The following PLA2R1 variants were observed in gnomAD, a reference collection of about 807,000 sequenced individuals.
PLA2R1 encodes phospholipase A2 receptor 1, also known as secretory phospholipase A2 receptor.
In PLA2R1, 158 loss-of-function variants were observed where a neutral mutation model predicts 195.9. That is an observed-to-expected ratio of 0.81 (90% CI 0.71 to 0.92). PLA2R1 has a LOEUF of 0.92. Ranked by LOEUF, PLA2R1 falls within the 40% of genes least tolerant of loss-of-function variation. The pLI, the probability that PLA2R1 is intolerant of heterozygous loss-of-function variation, is 0.00. For missense variants in PLA2R1, 1,626 were observed against 1,764.6 expected (o/e 0.92, Z 1.41); for synonymous variants, 586 against 598.2 (o/e 0.98, Z 0.30).
rs1696038923 is a variant in PLA2R1 at position 160,062,501 on chromosome 2, A to C, written c.-98T>G. 1 of 1,421,050 alleles carries C rather than the reference A, an allele frequency of 7.0e-7. No individual in the cohort carries two copies. The highest frequency in any genetic ancestry group is 3.0e-5 in the East Asian group (1 of 33,778). 88.0% of individuals were successfully genotyped at this position (1,421,050 alleles called of 1,614,324 possible). A position where few individuals can be genotyped will look rare whatever the true frequency, so the allele number is the denominator to read the frequency against. The stretch of plus-strand genomic sequence containing the variant: ...CAAGCACCCGGCCCCGCCGCGCGGA[A>C]GCGGATCCGTAGCCTCCTCCGCGCC... On this transcript the variant is annotated 5_prime_UTR_variant, in exon 1 of 30. Transcript: ENST00000283243.
intron 1 of PLA2R1, 33 bp from the exon 2 acceptor site, chr2:160,045,190 T>G (rs1559003569): frequency 1.3e-6 from 2 of 1,528,996 alleles, no homozygotes; most frequent in African/African-American, 2.7e-5. Flanking sequence ...GGCATGAAAT[T>G]TTCATATATA....
Position 159,977,397 on chromosome 2 carries a change from T to C in PLA2R1, c.2288A>G (p.Asp763Gly), listed in dbSNP as rs750401152. The C allele has an allele frequency of 3.1e-6, 5 of 1,613,116 alleles. No homozygotes were observed. Among genetic ancestry groups the C allele is most frequent in the East Asian group, 2.2e-5 (1 of 44,824 alleles). Residue 763 changes from aspartate to glycine, a missense_variant, in exon 15 of 30, where the codon GAC (aspartate) becomes GGC (glycine). Transcript: ENST00000283243. ...TGCATCTTCTCCAAAATAAGTGTTG[T>C]CTAAAAACGAAGAGACAACCTGCAG... ...DRTPVVSSFLDNTYFGEDARN... is the reference protein window; with the variant it reads ...DRTPVVSSFLGNTYFGEDARN...
In PLA2R1 at chr2:160,062,611, G is replaced by A. The variant is rs376866978; in HGVS notation, c.-208C>T. 80 of 898,896 alleles carry A rather than the reference G, an allele frequency of 8.9e-5. No homozygotes were observed. In the East Asian group the frequency reaches 2.1e-3, roughly 24 times the overall value. The allele number at this position is 898,896 out of a possible 1,614,324, so 55.7% of individuals were successfully genotyped here. On this transcript the variant is annotated 5_prime_UTR_variant, in exon 1 of 30. Coordinates refer to ENST00000283243, the MANE Select transcript of PLA2R1 (RefSeq NM_007366.5). The stretch of plus-strand genomic sequence containing the variant: ...TCTCCACAGTGAACCGACACTCGGG[G>A]CTCTGGGCTGGGATGCGGGAAAGTC...
At chr2:160,006,253 G>C (rs979625312) in intron 10 of PLA2R1, among the ~76,000 whole-genome samples, 1 of 152,302 alleles carries the variant, frequency 6.6e-6, no homozygotes, top group South Asian at 2.1e-4. Context: ...TTTTCTGAAT[G>C]AGCATTTACT....
At chr2:159,927,467 C>T (rs1042637219), downstream of PLA2R1, among the ~76,000 whole-genome samples, 2 of 152,116 alleles carry the variant, frequency 1.3e-5, no homozygotes, top group African/African-American at 4.8e-5. Context: ...TTTGCCATTC[C>T]TAAGATCCAT....
In PLA2R1 at chr2:159,937,729, A is replaced by G. The variant is rs540743587; in HGVS notation, c.*4049T>C. ...ATGAAAGTAGCACTCCAGCTGTTCC[A>G]CTGTATAATACATATTAATTCAGAA... On this transcript the variant is annotated 3_prime_UTR_variant, in exon 30 of 30. Coordinates refer to ENST00000283243, the MANE Select transcript of PLA2R1 (RefSeq NM_007366.5). The G allele has an allele frequency of 4.6e-5, 7 of 152,232 alleles. No homozygotes were observed. The highest frequency in any genetic ancestry group is 8.8e-5 in the Non-Finnish European group (6 of 68,040). The allele number at this position is 152,232 out of a possible 1,614,324, so 9.4% of individuals were successfully genotyped here. A position where few individuals can be genotyped will look rare whatever the true frequency, so the allele number is the denominator to read the frequency against.
chr2:160,009,510 A>T (rs1256927211), intron 10 of PLA2R1, among the ~76,000 whole-genome samples: 3 of 152,196 alleles, frequency 2.0e-5, no homozygotes, highest in Non-Finnish European at 1.5e-5. Context: ...ATAGAATAGT[A>T]GTTGCCAGGG....
chr2:160,001,630 C>T (rs1468118110), intron 11 of PLA2R1, among the ~76,000 whole-genome samples: 1 of 151,694 alleles, frequency 6.6e-6, no homozygotes, highest in Non-Finnish European at 1.5e-5. Flanking sequence ...TGTACTAGGC[C>T]AATACTAATT....
intron 2 of PLA2R1, among the ~76,000 whole-genome samples, chr2:160,043,125 A>T (rs1694650881): frequency 6.6e-6 from 1 of 152,144 alleles, no homozygotes; most frequent in South Asian, 2.1e-4. Flanking sequence ...GTGTCAGTGC[A>T]CATAGAGCTG....
rs1367816577 is a variant in PLA2R1 at position 159,944,960 on chromosome 2, A to G, written c.4090T>C (p.Trp1364Arg). 3.1e-6 allele frequency: 5 copies of G among 1,613,618 alleles called. No individual in the cohort carries two copies. The highest frequency in any genetic ancestry group is 4.5e-5 in the East Asian group (2 of 44,860). Residue 1364 changes from tryptophan (W) to arginine (R), a missense_variant, in exon 28 of 30, where the codon TGG (tryptophan) becomes CGG (arginine). Coordinates refer to ENST00000283243, the MANE Select transcript of PLA2R1 (RefSeq NM_007366.5). ...TTTTCTTGACACGGGGATAGCTGCC[A>G]TAATCCTTCAGGGATCCTCAAGGCA... ...CVALRIPEGL[W>R]QLSPCQEKKG...
the PLA2R1 span, among the ~76,000 whole-genome samples, chr2:159,925,561 C>A: frequency 2.1e-3 from 285 of 135,830 alleles, no homozygotes; most frequent in Non-Finnish European, 2.4e-3. Context: ...GGAATCAAAG[C>A]AAAAAAAAAA....
chr2:160,024,950 T>C (rs1316234200), intron 6 of PLA2R1, among the ~76,000 whole-genome samples: 1 of 152,138 alleles, frequency 6.6e-6, no homozygotes, highest in Non-Finnish European at 1.5e-5. Context: ...GAGCCTGAGA[T>C]ACTGCTGTGT....
At chr2:159,987,560 A>G (rs1217952858) in intron 11 of PLA2R1, among the ~76,000 whole-genome samples, 1 of 152,222 alleles carries the variant, frequency 6.6e-6, no homozygotes, top group Non-Finnish European at 1.5e-5. Flanking sequence ...GATGGGAAAG[A>G]GAGAAAAGAG....
At chr2:160,055,283 A>C (rs1357089872) in intron 1 of PLA2R1, among the ~76,000 whole-genome samples, 3 of 152,184 alleles carry the variant, frequency 2.0e-5, no homozygotes, top group Non-Finnish European at 4.4e-5. Flanking sequence ...GACAAACAGA[A>C]ATGGGAGAAA....
At chr2:160,036,266 T>C (rs1234845714) in intron 3 of PLA2R1, among the ~76,000 whole-genome samples, 2 of 152,256 alleles carry the variant, frequency 1.3e-5, no homozygotes, top group Non-Finnish European at 2.9e-5. Context: ...TTTAATTTTC[T>C]TTTCCAAATG....
At chr2:160,004,729 C>T (rs1573873575) in intron 11 of PLA2R1, among the ~76,000 whole-genome samples, 1 of 152,006 alleles carries the variant, frequency 6.6e-6, no homozygotes, top group South Asian at 2.1e-4. Flanking sequence ...TCTAGGCTGT[C>T]AACCTCAGCT....
rs1357558872 is a variant in PLA2R1, at chr2:160,062,164, C to T, written c.109+131G>A. ...CCCCATGCTCAGGACTGCTGACACACGAACCCCTACAAACGCGGCCGCCCT... is the reference window on the plus strand; with the variant it reads ...CCCCATGCTCAGGACTGCTGACACATGAACCCCTACAAACGCGGCCGCCCT... On this transcript the variant is annotated intron_variant, in intron 1 of 29. Transcript: ENST00000283243. The T allele has an allele frequency of 8.6e-5, 55 of 639,740 alleles. No homozygotes were observed. In the East Asian group the frequency reaches 1.8e-3, roughly 20 times the overall value. 39.6% of individuals were successfully genotyped at this position (639,740 alleles called of 1,614,324 possible).
At chr2:159,966,791 A>G (rs572680654) in intron 20 of PLA2R1, among the ~76,000 whole-genome samples, 21 of 152,228 alleles carry the variant, frequency 1.4e-4, no homozygotes, top group African/African-American at 4.6e-4. Flanking sequence ...TCTAAGAGTT[A>G]AACAATTATA....
rs769370 is a variant in PLA2R1 at position 159,938,765 on chromosome 2, T to A, written c.*3013A>T. On this transcript the variant is annotated 3_prime_UTR_variant, in exon 30 of 30. Coordinates refer to ENST00000283243, the MANE Select transcript of PLA2R1 (RefSeq NM_007366.5). ...TACCAGGACACAGCAAGTTCTTATA[T>A]ATCCAACCACCATTTTGAGAAGAGT... 0.21 allele frequency: 32,557 copies of A among 152,210 alleles called. 3,983 individuals carry two copies. The highest frequency in any genetic ancestry group is 0.36 in the Admixed American group (5,560 of 15,282). 9.4% of individuals were successfully genotyped at this position (152,210 alleles called of 1,614,324 possible).
Sources: gnomAD v4.1 joint callset for allele counts (sites outside exome capture counted in the v4.1 genomes callset) on GRCh38, gnomAD v4.1.1 for gene constraint, MANE v1.5 for transcripts, NCBI Gene and HGNC (gene_info 2026-07-23, HGNC 2026-07-21) for gene names.